The following ACTN2 variants were observed in gnomAD, a reference collection of about 807,000 sequenced individuals.
The protein encoded by ACTN2 is alpha-actinin-2.
A neutral mutation model predicts 113.8 loss-of-function variants in ACTN2; 39 were observed. That is an observed-to-expected ratio of 0.34 (90% confidence interval 0.27 to 0.45). The LOEUF is 0.45. Among genes scored for constraint, ACTN2 ranks in the 20% least tolerant of loss-of-function variants. ACTN2 has a pLI of 1.00. For missense variants in ACTN2, 992 were observed against 1,177.9 expected (o/e 0.84, Z 2.31); for synonymous variants, 429 against 444.1 (o/e 0.97, Z 0.43).
At chr1:236,753,851 T>TCCCCCCC in intron 15 of ACTN2, 96 bp from the exon 16 acceptor site, 6 of 966,968 alleles carry the variant, frequency 6.2e-6, no homozygotes, top group East Asian at 3.9e-5. Flanking sequence ...CCTTCTCCAC[T>TCCCCCCC]CCCACCCCCA....
intron 1 of ACTN2, among the ~76,000 whole-genome samples, chr1:236,689,274 A>G (rs1572088915): frequency 6.7e-6 from 1 of 149,416 alleles, no homozygotes; most frequent in East Asian, 1.9e-4. Context: ...AGGGTAGAAG[A>G]AAAATGCCTG....
intron 14 of ACTN2, 115 bp from the exon 15 acceptor site, chr1:236,751,355 T>C: frequency 3.1e-6 from 4 of 1,299,936 alleles, no homozygotes; most frequent in South Asian, 1.3e-5. Context: ...TGTGTTTTTC[T>C]CCAGAGACTC....
chr1:236,740,828 T>G (rs770338040), intron 10 of ACTN2, among the ~76,000 whole-genome samples: 5 of 151,962 alleles, frequency 3.3e-5, no homozygotes, highest in Admixed American at 1.3e-4. Context: ...CATTCTCAGT[T>G]TTTTTGGCCC....
At chr1:236,693,065 T>C (rs1041485025) in intron 1 of ACTN2, among the ~76,000 whole-genome samples, 2 of 152,102 alleles carry the variant, frequency 1.3e-5, no homozygotes, top group African/African-American at 2.4e-5. Context: ...GGGGAGACGC[T>C]TGCAAACTAC....
chr1:236,723,596 G>C (rs1350929806), intron 4 of ACTN2, among the ~76,000 whole-genome samples: 2 of 152,060 alleles, frequency 1.3e-5, no homozygotes, highest in Admixed American at 1.3e-4. Context: ...CTCCCAAGTA[G>C]CTGGGATTAC....
intron 1 of ACTN2, among the ~76,000 whole-genome samples, chr1:236,698,291 A>G (rs1247333820): frequency 1.3e-5 from 2 of 151,086 alleles, no homozygotes; most frequent in Non-Finnish European, 2.9e-5. Flanking sequence ...TGTATCATTT[A>G]TAGAATTAAG....
chr1:236,718,147 A>G (rs1658276497), intron 2 of ACTN2, among the ~76,000 whole-genome samples, 175 bp downstream of exon 2: 1 of 152,236 alleles, frequency 6.6e-6, no homozygotes, highest in Non-Finnish European at 1.5e-5. Flanking sequence ...TCCGTTCTAA[A>G]AAAAGGAGTG....
intron 20 of ACTN2, 27 bp from the exon 21 acceptor site, chr1:236,762,434 T>C (rs776949171): frequency 6.2e-7 from 1 of 1,613,800 alleles, no homozygotes; most frequent in Non-Finnish European, 8.5e-7. Flanking sequence ...TGCAACTGAC[T>C]GCAAACACGT....
intron 9 of ACTN2, among the ~76,000 whole-genome samples, chr1:236,738,722 G>A (rs548672375): frequency 1.3e-5 from 2 of 152,346 alleles, no homozygotes; most frequent in Admixed American, 1.3e-4. Flanking sequence ...AGAGGTGCAT[G>A]TGTATTTTGT....
intron 1 of ACTN2, among the ~76,000 whole-genome samples, chr1:236,691,586 C>G (rs774268134): frequency 6.6e-6 from 1 of 151,518 alleles, no homozygotes; most frequent in Non-Finnish European, 1.5e-5. Flanking sequence ...TTGAGGTTGC[C>G]GTGAGCTGTG....
intron 7 of ACTN2, among the ~76,000 whole-genome samples, chr1:236,732,453 T>TTTTTTA: frequency 6.6e-6 from 1 of 151,456 alleles, no homozygotes; most frequent in East Asian, 1.9e-4. Flanking sequence ...TTATTTTTTA[T>TTTTTTA]TTTTTTTGAG....
chr1:236,736,751 T>C (rs1214643144), intron 8 of ACTN2: 5 of 904,818 alleles, frequency 5.5e-6, no homozygotes, highest in Non-Finnish European at 8.5e-6. Flanking sequence ...CATCCCATCG[T>C]CATGAGATCA....
intron 1 of ACTN2, among the ~76,000 whole-genome samples, chr1:236,705,565 CAG>C (rs1460568106): frequency 6.6e-6 from 1 of 152,150 alleles, no homozygotes; most frequent in African/African-American, 2.4e-5. Context: ...TGTCTGTAGA[CAG>C]AATTATTTTG....
chr1:236,722,841 T>A (rs544036623), intron 4 of ACTN2, among the ~76,000 whole-genome samples: 1 of 152,246 alleles, frequency 6.6e-6, no homozygotes, highest in Non-Finnish European at 1.5e-5. Context: ...AATGGCCGCA[T>A]TTCCACTTTC....
At chr1:236,693,077 A>G (rs542726418) in intron 1 of ACTN2, among the ~76,000 whole-genome samples, 9 of 152,162 alleles carry the variant, frequency 5.9e-5, no homozygotes, top group East Asian at 1.9e-4. Flanking sequence ...GCAAACTACT[A>G]TGCTAGACAA....
At chr1:236,716,110 T>TG (rs1186714782) in intron 1 of ACTN2, among the ~76,000 whole-genome samples, 1 of 151,710 alleles carries the variant, frequency 6.6e-6, no homozygotes, top group East Asian at 1.9e-4. Context: ...TTTTTTTTTT[T>TG]TTTTTTGGTC....
chr1:236,706,953 A>G (rs1199838890), intron 1 of ACTN2, among the ~76,000 whole-genome samples: 2 of 152,196 alleles, frequency 1.3e-5, no homozygotes, highest in African/African-American at 4.8e-5. Context: ...ATACGTATGC[A>G]TGCAGACATG....
intron 4 of ACTN2, among the ~76,000 whole-genome samples, chr1:236,722,635 A>AAC (rs1491206465): frequency 3.1e-3 from 1 of 324 alleles, no homozygotes; most frequent in Non-Finnish European, 9.3e-3. Context: ...ACTCCGTCTC[A>AAC]AAAAAAAAAA....
chr1:236,748,451 C>G (rs4659466), intron 13 of ACTN2, among the ~76,000 whole-genome samples: 71,939 of 151,952 alleles, frequency 0.47, 18,748 homozygotes, highest in Non-Finnish European at 0.6. Context: ...AGAGACAGCA[C>G]AAAACATTTT....
Sources: gnomAD v4.1 joint callset for allele counts (sites outside exome capture counted in the v4.1 genomes callset) on GRCh38, gnomAD v4.1.1 for gene constraint, MANE v1.5 for transcripts, NCBI Gene and HGNC (gene_info 2026-07-23, HGNC 2026-07-21) for gene names.